ELP1: variants seen among roughly 807,000 people sequenced by gnomAD.
ELP1 encodes the protein elongator acetyltransferase complex subunit 1, also known as elongator complex protein 1.
In ELP1, 131 loss-of-function variants were observed where a neutral mutation model predicts 183.2. That is an observed-to-expected ratio of 0.72 (90% CI 0.62 to 0.83). ELP1 has a LOEUF of 0.83. Among genes scored for constraint, ELP1 ranks in the 40% least tolerant of loss-of-function variants. The pLI is 0.00. For synonymous variants in ELP1, 555 were observed against 569.0 expected (o/e 0.98, Z 0.35); for missense variants, 1,550 against 1,594.9 (o/e 0.97, Z 0.48).
At chr9:108,884,865 G>C (rs192657474) in intron 29 of ELP1, among the ~76,000 whole-genome samples, 44 of 152,178 alleles carry the variant, frequency 2.9e-4, no homozygotes, top group South Asian at 1.2e-3. Flanking sequence ...GGGATCACTT[G>C]AGGCCAGGAG....
At chr9:108,892,637 A>G (rs1051111742) in intron 27 of ELP1, among the ~76,000 whole-genome samples, 4 of 152,238 alleles carry the variant, frequency 2.6e-5, no homozygotes, top group Admixed American at 2.6e-4. Context: ...GTATATAAAA[A>G]AAGCTAAAGG....
intron 16 of ELP1, among the ~76,000 whole-genome samples, chr9:108,902,586 A>G (rs1056909988): frequency 3.3e-5 from 5 of 152,232 alleles, no homozygotes; most frequent in Non-Finnish European, 7.3e-5. Context: ...AATGATTTGT[A>G]CAACTAGGGA....
chr9:108,875,806 C>T (rs1420936758), intron 35 of ELP1: 14 of 338,372 alleles, frequency 4.1e-5, no homozygotes, highest in Non-Finnish European at 6.3e-5. Context: ...CAGGAGACTG[C>T]GGTGGGAGGA....
chr9:108,930,735 T>C (rs1190217867), intron 2 of ELP1, among the ~76,000 whole-genome samples: 1 of 146,568 alleles, frequency 6.8e-6, no homozygotes, highest in Non-Finnish European at 1.5e-5. Context: ...AGAATTTGCA[T>C]GACAAAGAGG....
chr9:108,896,921 C>G lies in ELP1; in HGVS notation c.2587+32G>C, dbSNP rs758230571. The G allele has an allele frequency of 1.7e-5, 27 of 1,586,880 alleles. No individual in the cohort carries two copies. In the South Asian group the frequency reaches 2.9e-4, roughly 17 times the overall value. Reference sequence around the variant, plus strand: ...GAAGACTAGTAGCAGTCACGGCCACCTTAAGCACTTTCTCTGTGAGCGGAT... The same window carrying G: ...GAAGACTAGTAGCAGTCACGGCCACGTTAAGCACTTTCTCTGTGAGCGGAT... On this transcript the variant is annotated intron_variant, in intron 24 of 36. Coordinates refer to ENST00000374647, the MANE Select transcript of ELP1 (RefSeq NM_003640.5).
rs1048963708 is a variant in ELP1 at position 108,934,097 on chromosome 9, A to T, written c.-289T>A. On this transcript the variant is annotated 5_prime_UTR_variant, in exon 1 of 37. Coordinates refer to ENST00000374647, the MANE Select transcript of ELP1 (RefSeq NM_003640.5). ...AAGCCAGCGACTCAATGGGTGCGTC[A>T]ACTAGGCAGCCGCAGCACTGGGAGT... The T allele has an allele frequency of 4.0e-5, 8 of 202,372 alleles. No homozygotes were observed. The South Asian group carries it at 5.1e-4, about 13-fold the overall frequency. 12.5% of individuals were successfully genotyped at this position (202,372 alleles called of 1,614,324 possible). A position where few individuals can be genotyped will look rare whatever the true frequency, so the allele number is the denominator to read the frequency against.
At chr9:108,917,736 G>C in intron 8 of ELP1, 66 bp from the exon 9 acceptor site, 1 of 1,560,254 alleles carries the variant, frequency 6.4e-7, no homozygotes, top group Non-Finnish European at 8.8e-7. Flanking sequence ...ATAAAATCCA[G>C]AAGAGTTTTT....
In ELP1 at chr9:108,912,372, C is replaced by T; in HGVS notation, c.1081G>A (p.Val361Ile). 6.2e-7 allele frequency: 1 copy of T among 1,614,198 alleles called. No homozygotes were observed. The highest frequency in any genetic ancestry group is 8.5e-7 in the Non-Finnish European group (1 of 1,180,038). Residue 361 changes from valine to isoleucine, a missense_variant, in exon 11 of 37, where the codon GTT (valine) becomes ATT (isoleucine). By Grantham distance (29) the Val-to-Ile change is conservative (BLOSUM62 3). Transcript: ENST00000374647. Reference protein sequence around the residue: ...WDPVTPYRLHVLCQGWHYLAY... With the variant: ...WDPVTPYRLHILCQGWHYLAY... ...AGGTAATGCCAGCCCTGACAGAGAACATGCAGCCGGTATGGGGTCACAGGG... is the reference window on the plus strand; with the variant it reads ...AGGTAATGCCAGCCCTGACAGAGAATATGCAGCCGGTATGGGGTCACAGGG...
chr9:108,893,847 A>C, intron 26 of ELP1, 96 bp downstream of exon 26: 1 of 1,312,234 alleles, frequency 7.6e-7, no homozygotes, highest in Non-Finnish European at 1.1e-6. Flanking sequence ...TGGGAAGTGA[A>C]ATCAGTCACT....
At chr9:108,917,001 A>G (rs1829459927) in intron 9 of ELP1, among the ~76,000 whole-genome samples, 1 of 152,204 alleles carries the variant, frequency 6.6e-6, no homozygotes, top group East Asian at 1.9e-4. Context: ...AACAATAAAA[A>G]CTAGCATTTT....
intron 5 of ELP1, among the ~76,000 whole-genome samples, chr9:108,924,166 T>C (rs556270772): frequency 1.3e-4 from 20 of 152,300 alleles, no homozygotes; most frequent in African/African-American, 4.6e-4. Context: ...CAGCAGGGAT[T>C]TGCAAAACTA....
At chr9:108,887,457 C>T (rs1475952793) in intron 29 of ELP1, among the ~76,000 whole-genome samples, 1 of 151,990 alleles carries the variant, frequency 6.6e-6, no homozygotes. Context: ...GAGAATACAC[C>T]CAAGAGCTTC....
chr9:108,873,572 A>G (rs990993973), intron 36 of ELP1, among the ~76,000 whole-genome samples: 4 of 152,238 alleles, frequency 2.6e-5, no homozygotes, highest in Admixed American at 2.0e-4. Context: ...GCCATCTAGA[A>G]TACCCTGGGG....
chr9:108,912,243 ACACACTTCC>A lies in ELP1; in HGVS notation c.1189+12_1189+20del. 6.3e-7 allele frequency: 1 copy of A among 1,588,214 alleles called. No individual in the cohort carries two copies. Among genetic ancestry groups the A allele is most frequent in the Non-Finnish European group, 8.6e-7 (1 of 1,156,450 alleles). On this transcript the variant is annotated intron_variant, in intron 11 of 36. Coordinates refer to ENST00000374647, the MANE Select transcript of ELP1 (RefSeq NM_003640.5). The stretch of plus-strand genomic sequence containing the variant: ...CTCAGGACCCCTTGCAGGCTCATGG[ACACACTTCC>A]CAGGAGCTTACTTCCATCAATGACA...
intron 25 of ELP1, among the ~76,000 whole-genome samples, chr9:108,896,012 C>T (rs193160180): frequency 1.6e-4 from 25 of 152,316 alleles, no homozygotes; most frequent in African/African-American, 6.0e-4. Context: ...AATTCCAGCA[C>T]TTTGGGAGAC....
chr9:108,899,456 C>T (rs1828686955), intron 20 of ELP1, among the ~76,000 whole-genome samples: 1 of 152,046 alleles, frequency 6.6e-6, no homozygotes, highest in African/African-American at 2.4e-5. Flanking sequence ...GTCATAGGCC[C>T]CGCTGTAAAT....
rs1485123059 is a variant in ELP1, at chr9:108,879,305, G to A, written c.3572+141C>T. 4.2e-6 allele frequency: 3 copies of A among 716,832 alleles called. No homozygotes were observed. In the Admixed American group the frequency reaches 6.0e-5, roughly 14 times the overall value. The allele number at this position is 716,832 out of a possible 1,614,324, so 44.4% of individuals were successfully genotyped here. On this transcript the variant is annotated intron_variant, in intron 33 of 36. Coordinates refer to ENST00000374647, the MANE Select transcript of ELP1 (RefSeq NM_003640.5). ...AATGTCTCAGATATGCTGGGAAAGT[G>A]TCTGAACAACTTCCACACAGCGCTG...
At chr9:108,875,215 C>T (rs1244706654) in intron 35 of ELP1, among the ~76,000 whole-genome samples, 1 of 152,092 alleles carries the variant, frequency 6.6e-6, no homozygotes, top group African/African-American at 2.4e-5. Flanking sequence ...AGAAAAGAAA[C>T]GAAACTCTAC....
At chr9:108,912,617 T>G (rs1234089470) in intron 10 of ELP1, 123 bp from the exon 11 acceptor site, 44 of 715,164 alleles carry the variant, frequency 6.2e-5, no homozygotes, top group Non-Finnish European at 1.0e-4. Flanking sequence ...GCCTCGTCTC[T>G]AAAATAAGAA....
Sources: allele counts gnomAD v4.1 joint callset (sites outside exome capture counted in the v4.1 genomes callset), GRCh38; gene constraint gnomAD v4.1.1; transcripts MANE v1.5; gene names NCBI Gene and HGNC (gene_info 2026-07-23, HGNC 2026-07-21).